Variants in ARHGEF4 observed in about 807,000 individuals in gnomAD.
ARHGEF4 encodes the protein APC-stimulated guanine nucleotide exchange factor 1.
A neutral mutation model predicts 162.0 loss-of-function variants in ARHGEF4; 119 were observed. That is an observed-to-expected ratio of 0.73 (90% CI 0.63 to 0.86). ARHGEF4 has a LOEUF of 0.86. Ranked by LOEUF, ARHGEF4 falls within the 40% of genes least tolerant of loss-of-function variation. The pLI, the probability that ARHGEF4 is intolerant of heterozygous loss-of-function variation, is 0.00. For missense variants in ARHGEF4, 2,488 were observed against 2,456.0 expected (o/e 1.01, Z -0.28); for synonymous variants, 1,014 against 979.9 (o/e 1.03, Z -0.65).
intron 3 of ARHGEF4, among the ~76,000 whole-genome samples, chr2:130,945,581 T>C (rs985846651): frequency 6.6e-6 from 1 of 152,132 alleles, no homozygotes; most frequent in Admixed American, 6.5e-5. Flanking sequence ...TTTGGAGTCC[T>C]TTATGTCCAT....
At chr2:130,919,058 A>C (rs780030700) in intron 2 of ARHGEF4, among the ~76,000 whole-genome samples, 1 of 152,198 alleles carries the variant, frequency 6.6e-6, no homozygotes, top group Non-Finnish European at 1.5e-5. Context: ...TCAGACATAC[A>C]CATTGCTCTG....
intron 4 of ARHGEF4, among the ~76,000 whole-genome samples, chr2:130,987,414 G>C (rs185828601): frequency 6.6e-6 from 1 of 152,128 alleles, no homozygotes; most frequent in Non-Finnish European, 1.5e-5. Context: ...ACGGGTGAGC[G>C]GTAGCAAAAG....
At chr2:130,934,345 AT>A (rs1682814891) in intron 3 of ARHGEF4, among the ~76,000 whole-genome samples, 1 of 152,060 alleles carries the variant, frequency 6.6e-6, no homozygotes, top group African/African-American at 2.4e-5. Context: ...CTCCTCTTCT[AT>A]TTTTTGAAAG....
At position 130,916,053 on chromosome 2, in the gene ARHGEF4, G is replaced by A. The variant is rs1355054414; in HGVS notation, c.2107G>A (p.Ala703Thr). The A allele has an allele frequency of 1.3e-6, 2 of 1,550,214 alleles. No homozygotes were observed. Among genetic ancestry groups the A allele is most frequent in the Non-Finnish European group, 1.7e-6 (2 of 1,146,900 alleles). Residue 703 changes from alanine (A) to threonine (T), a missense_variant, in exon 2 of 14, where the codon GCT (alanine) becomes ACT (threonine). Ala to Thr is a moderately conservative substitution (Grantham distance 58). Coordinates refer to ENST00000409359, the MANE Select transcript of ARHGEF4 (RefSeq NM_001367493.1). ...CCCCATACAGGGAGCTGGCGATGGG[G>A]CTCTTCAGCGGGTGGCCCAGGCCGC... ...AAPIQGAGDGALQRVAQAAEL... is the reference protein window; with the variant it reads ...AAPIQGAGDGTLQRVAQAAEL...
At chr2:130,854,667 G>A (rs1370139524) in intron 1 of ARHGEF4, among the ~76,000 whole-genome samples, 1 of 152,110 alleles carries the variant, frequency 6.6e-6, no homozygotes, top group Non-Finnish European at 1.5e-5. Context: ...ACAGGATGGA[G>A]GTTCCACACC....
At chr2:130,884,277 T>G (rs1463418427) in intron 1 of ARHGEF4, among the ~76,000 whole-genome samples, 3 of 151,642 alleles carry the variant, frequency 2.0e-5, no homozygotes, top group African/African-American at 4.9e-5. Context: ...CACACATGCA[T>G]GCACACAGAC....
chr2:130,853,178 G>T (rs1681533178), intron 1 of ARHGEF4, among the ~76,000 whole-genome samples: 1 of 152,192 alleles, frequency 6.6e-6, no homozygotes, highest in African/African-American at 2.4e-5. Context: ...CCAACTTGGG[G>T]TCTGCCAGAG....
rs1027203901 is a variant in ARHGEF4, at chr2:130,958,670, A to G, written c.3985+12035A>G. 6.2e-4 allele frequency among the ~76,000 whole-genome samples: 94 copies of G among 152,116 alleles called. 1 individual carries two copies. The highest frequency in any genetic ancestry group is 2.2e-3 in the African/African-American group (91 of 41,524). On this transcript the variant is annotated intron_variant, in intron 4 of 13. Transcript: ENST00000409359. ...AGTGATCTGCCCAACTCAGCCTCCC[A>G]AAGTGCTGGGATTACAGGCATGAGG... is the stretch of plus-strand genomic sequence containing the variant.
chr2:130,845,044 G>A (rs1033533647), intron 1 of ARHGEF4, among the ~76,000 whole-genome samples: 4 of 151,370 alleles, frequency 2.6e-5, no homozygotes, highest in Non-Finnish European at 4.4e-5. Flanking sequence ...GGCTGGTCTC[G>A]AACTCCTGAC....
chr2:131,025,085 C>A (rs566301371), intron 4 of ARHGEF4, among the ~76,000 whole-genome samples: 1 of 152,146 alleles, frequency 6.6e-6, no homozygotes, highest in Admixed American at 6.5e-5. Flanking sequence ...ATACCTGAGA[C>A]TGGGTAATTT....
intron 2 of ARHGEF4, among the ~76,000 whole-genome samples, chr2:130,919,408 T>A (rs1350986921): frequency 2.0e-5 from 3 of 152,324 alleles, no homozygotes; most frequent in Middle Eastern, 3.4e-3. Flanking sequence ...GAGTGCCCAT[T>A]TCCTCACACC....
At chr2:131,043,667 ACAGGTGC>A in intron 11 of ARHGEF4, 84 bp downstream of exon 11, 1 of 1,594,896 alleles carries the variant, frequency 6.3e-7, no homozygotes, top group Non-Finnish European at 8.6e-7. Context: ...TGCCCAGAAG[ACAGGTGC>A]CAGCCAGACC....
intron 4 of ARHGEF4, among the ~76,000 whole-genome samples, chr2:131,017,873 A>AT (rs1171854881): frequency 3.3e-5 from 5 of 152,182 alleles, no homozygotes; most frequent in Non-Finnish European, 7.3e-5. Flanking sequence ...CTCCGAGTTG[A>AT]TACATAGGTT....
chr2:131,030,590 G>A (rs552606023), intron 5 of ARHGEF4, among the ~76,000 whole-genome samples: 1 of 152,346 alleles, frequency 6.6e-6, no homozygotes, highest in Non-Finnish European at 1.5e-5. Flanking sequence ...GGCTGGTGCT[G>A]GGGAGGCTGG....
intron 4 of ARHGEF4, among the ~76,000 whole-genome samples, chr2:131,024,565 G>A (rs955616161): frequency 3.3e-5 from 5 of 152,146 alleles, no homozygotes; most frequent in Admixed American, 1.3e-4. Flanking sequence ...GTGAGCCACC[G>A]CACCTGCCAA....
At chr2:130,993,787 TGTTG>T (rs905991563) in intron 4 of ARHGEF4, among the ~76,000 whole-genome samples, 1 of 152,194 alleles carries the variant, frequency 6.6e-6, no homozygotes, top group African/African-American at 2.4e-5. Flanking sequence ...TTTAATTTTT[TGTTG>T]GTTTGTTTTT....
intron 2 of ARHGEF4, among the ~76,000 whole-genome samples, chr2:130,920,707 C>T (rs1464475286): frequency 1.3e-5 from 2 of 152,196 alleles, no homozygotes; most frequent in African/African-American, 4.8e-5. Context: ...TATTAAGGAG[C>T]AGCAGTTCTC....
At chr2:130,974,615 TA>T (rs1685578404) in intron 4 of ARHGEF4, among the ~76,000 whole-genome samples, 1 of 20,542 alleles carries the variant, frequency 4.9e-5, no homozygotes, top group Non-Finnish European at 1.1e-4. Flanking sequence ...CACACCCAGC[TA>T]TTTTTTTTTT....
chr2:130,904,949 C>T (rs185270050), intron 1 of ARHGEF4, among the ~76,000 whole-genome samples: 15 of 152,298 alleles, frequency 9.8e-5, no homozygotes, highest in Admixed American at 8.5e-4. Context: ...CGTGGTGGCA[C>T]TTGCCTGTAA....
Sources: allele counts gnomAD v4.1 joint callset (sites outside exome capture counted in the v4.1 genomes callset), GRCh38; gene constraint gnomAD v4.1.1; transcripts MANE v1.5; gene names NCBI Gene and HGNC (gene_info 2026-07-23, HGNC 2026-07-21).